MYO18B: variants seen among roughly 807,000 people sequenced by gnomAD.
MYO18B encodes the protein unconventional myosin-XVIIIb.
A neutral mutation model predicts 273.0 loss-of-function variants in MYO18B; 204 were observed. The observed-to-expected ratio is 0.75, with a 90% CI of 0.67 to 0.84. The LOEUF (loss-of-function observed/expected upper bound fraction) is 0.84, where lower values mean the gene tolerates loss of function less well. Ranked by LOEUF, MYO18B falls within the 40% of genes least tolerant of loss-of-function variation. The pLI is 0.00. For synonymous variants in MYO18B, 1,330 were observed against 1,305.7 expected, an observed-to-expected ratio of 1.02 and a Z score of -0.40; for missense variants, 3,212 against 3,287.6, an observed-to-expected ratio of 0.98 and a Z score of 0.56.
the MYO18B span, among the ~76,000 whole-genome samples, chr22:26,059,053 G>GTTATAGAATT: frequency 6.0e-3 from 907 of 152,258 alleles, 9 homozygotes; most frequent in African/African-American, 0.019. Flanking sequence ...AAAAGAAAAG[G>GTTATAGAATT]TTATAGAATT....
At position 25,947,627 on chromosome 22, in the gene MYO18B, A is replaced by G. The variant is rs2072006; in HGVS notation, c.5632-85A>G. On this transcript the variant is annotated intron_variant, in intron 35 of 43. Coordinates refer to ENST00000335473, the MANE Select transcript of MYO18B (RefSeq NM_032608.7). ...TCACTCACCTCACACACCTATAGGC[A>G]AGCCCCTCTTTGCTCTTCCTCTGGA... 0.15 allele frequency: 143,113 copies of G among 935,278 alleles called. 12,247 individuals carry two copies. The highest frequency in any genetic ancestry group is 0.21 in the East Asian group (8,282 of 38,694). The allele number at this position is 935,278 out of a possible 1,614,324, so 57.9% of individuals were successfully genotyped here. A position where few individuals can be genotyped will look rare whatever the true frequency, so the allele number is the denominator to read the frequency against.
chr22:25,933,669 A>G (rs113745268), intron 34 of MYO18B, among the ~76,000 whole-genome samples: 2,501 of 152,138 alleles, frequency 0.016, 63 homozygotes, highest in African/African-American at 0.058. Flanking sequence ...CCAACCTAAT[A>G]ATTGGTTTAT....
In MYO18B at chr22:25,769,382, C is replaced by T. The variant is rs369673006; in HGVS notation, c.1466C>T (p.Ala489Val). Residue 489 changes from alanine to valine, a missense_variant, in exon 4 of 44, where the codon GCC (alanine) becomes GTC (valine). Transcript: ENST00000335473. ...RIRKENQDGP[A>V]PQEEGKGGQS... ...CGGAAGGAGAACCAAGACGGGCCAGCCCCGCAGGAGGAGGGCAAAGGAGGC... is the reference window on the plus strand; with the variant it reads ...CGGAAGGAGAACCAAGACGGGCCAGTCCCGCAGGAGGAGGGCAAAGGAGGC... 3 of 1,571,340 alleles carry T rather than the reference C, an allele frequency of 1.9e-6. No homozygotes were observed.
chr22:25,885,147 G>A (rs2091459271), intron 25 of MYO18B, among the ~76,000 whole-genome samples: 1 of 152,144 alleles, frequency 6.6e-6, no homozygotes, highest in African/African-American at 2.4e-5. Flanking sequence ...TGTGCCAGCT[G>A]CTGCGATAAG....
At chr22:25,856,500 C>A (rs570221333) in intron 21 of MYO18B, among the ~76,000 whole-genome samples, 1 of 152,344 alleles carries the variant, frequency 6.6e-6, no homozygotes, top group Non-Finnish European at 1.5e-5. Flanking sequence ...ACAGAGCTGG[C>A]TTTGGGACAC....
intron 7 of MYO18B, among the ~76,000 whole-genome samples, chr22:25,774,362 G>T (rs1259763735): frequency 6.6e-6 from 1 of 152,176 alleles, no homozygotes; most frequent in East Asian, 1.9e-4. Flanking sequence ...TGTTGCTGCA[G>T]CCCAAGGCCT....
chr22:25,925,912 A>G (rs1046046289), intron 34 of MYO18B, among the ~76,000 whole-genome samples: 1 of 149,632 alleles, frequency 6.7e-6, no homozygotes, highest in Non-Finnish European at 1.5e-5. Flanking sequence ...CAAAAAAAAA[A>G]AAAAAAAAAA....
intron 12 of MYO18B, among the ~76,000 whole-genome samples, chr22:25,810,361 G>A (rs903029915): frequency 6.7e-6 from 1 of 149,392 alleles, no homozygotes; most frequent in African/African-American, 2.5e-5. Flanking sequence ...GCCTCCCAAA[G>A]TGCTGGGATT....
chr22:26,031,131 C>T (rs992913576), downstream of MYO18B: 16 of 391,906 alleles, frequency 4.1e-5, no homozygotes, highest in Non-Finnish European at 7.2e-5. Flanking sequence ...CCCTTTTTAC[C>T]AAGGCGAAGC....
intron 12 of MYO18B, among the ~76,000 whole-genome samples, chr22:25,814,436 C>T (rs1027342790): frequency 1.3e-4 from 19 of 150,464 alleles, no homozygotes; most frequent in Admixed American, 9.4e-4. Flanking sequence ...TCTCCTGTCT[C>T]AGCCTCCCAG....
In MYO18B at chr22:25,937,729, G is replaced by A. The variant is rs184179415; in HGVS notation, c.5518-8408G>A. On this transcript the variant is annotated intron_variant, in intron 34 of 43. Transcript: ENST00000335473. The stretch of plus-strand genomic sequence containing the variant: ...GCCTCCCGAGTAGCTGGGATTACAG[G>A]CATGCACCACCGCGCCTGGCTGATT... Among the ~76,000 whole-genome samples the A allele has an allele frequency of 5.3e-5, 8 of 152,120 alleles. No homozygotes were observed. In the East Asian group the frequency reaches 9.7e-4, roughly 18 times the overall value.
chr22:25,997,318 A>AAAC, intron 40 of MYO18B, among the ~76,000 whole-genome samples: 1 of 150,310 alleles, frequency 6.7e-6, no homozygotes, highest in Non-Finnish European at 1.5e-5. Flanking sequence ...AAAAAAAAAA[A>AAAC]AAAAAAAAAA....
At chr22:25,967,546 G>A (rs1036549605) in intron 39 of MYO18B, among the ~76,000 whole-genome samples, 3 of 152,180 alleles carry the variant, frequency 2.0e-5, no homozygotes, top group Admixed American at 6.5e-5. Context: ...GGGGATCTCA[G>A]AATATGAGGA....
intron 39 of MYO18B, among the ~76,000 whole-genome samples, chr22:25,959,689 A>G (rs1020083482): frequency 1.6e-4 from 24 of 152,320 alleles, no homozygotes; most frequent in African/African-American, 5.5e-4. Context: ...GAGTTGTTCT[A>G]TGTTCAAGCC....
At chr22:25,798,125 G>A (rs2088010165) in intron 12 of MYO18B, 28 bp downstream of exon 12, 3 of 1,582,602 alleles carry the variant, frequency 1.9e-6, no homozygotes, top group African/African-American at 1.3e-5. Flanking sequence ...GGCTCACCTG[G>A]GAGGGCAGCT....
intron 21 of MYO18B, among the ~76,000 whole-genome samples, chr22:25,855,165 C>T (rs695371): frequency 0.069 from 10,522 of 152,088 alleles, 1,183 homozygotes; most frequent in African/African-American, 0.24. Context: ...TTGCTTTCAT[C>T]ATTTAGCTCC....
chr22:25,800,900 A>T (rs931482888), intron 12 of MYO18B, among the ~76,000 whole-genome samples: 2 of 152,228 alleles, frequency 1.3e-5, no homozygotes, highest in Non-Finnish European at 2.9e-5. Context: ...GATGATGGCA[A>T]TAATTTCTGC....
At chr22:25,856,111 C>T (rs2090566240) in intron 21 of MYO18B, among the ~76,000 whole-genome samples, 1 of 152,138 alleles carries the variant, frequency 6.6e-6, no homozygotes, top group Non-Finnish European at 1.5e-5. Context: ...GATGAGCTGC[C>T]ATACAGTTTT....
At chr22:25,928,305 C>A (rs535901344) in intron 34 of MYO18B, among the ~76,000 whole-genome samples, 39 of 150,628 alleles carry the variant, frequency 2.6e-4, no homozygotes, top group African/African-American at 9.0e-4. Flanking sequence ...CAATGTCTCA[C>A]ACCTGTAATC....
Sources: allele counts gnomAD v4.1 joint callset (sites outside exome capture counted in the v4.1 genomes callset), GRCh38; gene constraint gnomAD v4.1.1; transcripts MANE v1.5; gene names NCBI Gene and HGNC (gene_info 2026-07-23, HGNC 2026-07-21).